Variants in KRT7 observed in about 807,000 individuals in gnomAD.
KRT7 encodes the protein keratin 7.
KRT7 carries 50 observed loss-of-function variants against 42.8 expected under a neutral mutation model. That is an observed-to-expected ratio of 1.17 (90% CI 0.93 to 1.48). The LOEUF is 1.48. KRT7 is among the 40% of genes most tolerant of loss of function. The pLI is 0.00. For synonymous variants in KRT7, 268 were observed against 266.3 expected (o/e 1.01, Z -0.06); for missense variants, 588 against 637.6 (o/e 0.92, Z 0.84).
In KRT7 at chr12:52,243,236, C is replaced by T. The variant is rs540952140; in HGVS notation, c.984+99C>T. On this transcript the variant is annotated intron_variant, in intron 6 of 8. Coordinates refer to ENST00000331817, the MANE Select transcript of KRT7 (RefSeq NM_005556.4). ...TGTGGAGCAGGAGGTTCCCATCTCC[C>T]GGCCAAAGCTGGTGCCACTGTCTCA... The T allele has an allele frequency of 2.4e-4, 333 of 1,393,862 alleles. 1 individual carries two copies. The South Asian group carries it at 2.6e-3, about 11-fold the overall frequency. 86.3% of individuals were successfully genotyped at this position (1,393,862 alleles called of 1,614,324 possible). A position where few individuals can be genotyped will look rare whatever the true frequency, so the allele number is the denominator to read the frequency against.
rs1410509540 is a variant in KRT7, at chr12:52,243,058, G to A, written c.905G>A (p.Arg302Gln). 5.0e-6 allele frequency: 8 copies of A among 1,613,752 alleles called. No homozygotes were observed. Among genetic ancestry groups the A allele is most frequent in the South Asian group, 2.2e-5 (2 of 91,076 alleles). Residue 302 changes from arginine (R) to glutamine (Q), a missense_variant, in exon 6 of 9, where the codon CGG (arginine) becomes CAG (glutamine). Coordinates refer to ENST00000331817, the MANE Select transcript of KRT7 (RefSeq NM_005556.4). ...AQAGKHGDDLRNTRNEISEMN... is the reference protein window; with the variant it reads ...AQAGKHGDDLQNTRNEISEMN... ...GCTGGGAAGCATGGGGACGACCTCC[G>A]GAATACCCGGAATGAGATTTCAGAG...
downstream of KRT7, chr12:52,251,982 G>T: frequency 1.6e-6 from 1 of 631,898 alleles, no homozygotes; most frequent in Non-Finnish European, 2.9e-6. Context: ...TGCCTGCCCA[G>T]AACCCCAAGC....
intron 3 of KRT7, 148 bp downstream of exon 3, chr12:52,237,717 G>GGTGC (rs1942030949): frequency 2.2e-6 from 1 of 460,334 alleles, no homozygotes; most frequent in Admixed American, 3.8e-5. Flanking sequence ...CTGTCCTGTG[G>GGTGC]GTGCGTGTAT....
Position 52,237,586 on chromosome 12 carries a change from G to T in KRT7, c.597+17G>T. ...CTGAAGAAGGTGAGTGGGAAAGACAGGCTCGAGGAGGGTTGTCTGAAAACA... is the reference window on the plus strand; with the variant it reads ...CTGAAGAAGGTGAGTGGGAAAGACATGCTCGAGGAGGGTTGTCTGAAAACA... On this transcript the variant is annotated intron_variant, in intron 3 of 8. Coordinates refer to ENST00000331817, the MANE Select transcript of KRT7 (RefSeq NM_005556.4). 1 of 1,566,178 alleles carries T rather than the reference G, an allele frequency of 6.4e-7. No individual in the cohort carries two copies. The highest frequency in any genetic ancestry group is 2.3e-5 in the East Asian group (1 of 43,240).
chr12:52,233,513 C>G lies in KRT7; in HGVS notation c.217C>G (p.Leu73Val), dbSNP rs1289335320. The change falls in exon 1 of 9, where the codon CTG becomes GTG. Residue 73 changes from leucine (L) to valine (V), a missense_variant. Transcript: ENST00000331817. The part of the protein sequence containing the change: ...IREVTINQSL[L>V]APLRLDADPS... ...CGAGGTCACCATTAACCAGAGCCTG[C>G]TGGCCCCGCTGCGGCTGGACGCCGA... 3 of 1,612,614 alleles carry G rather than the reference C, an allele frequency of 1.9e-6. No individual in the cohort carries two copies.
chr12:52,253,493 C>T, downstream of KRT7: 2 of 1,558,250 alleles, frequency 1.3e-6, no homozygotes, highest in Non-Finnish European at 1.8e-6. Flanking sequence ...CAGCCCTTAT[C>T]TTCCCATCCG....
chr12:52,254,193 A>T, downstream of KRT7: 1 of 593,610 alleles, frequency 1.7e-6, no homozygotes, highest in Non-Finnish European at 3.2e-6. Flanking sequence ...TAGGGTCAGA[A>T]GCTGAATGGT....
chr12:52,255,447 GA>G (rs1394273683), downstream of KRT7: 3 of 453,294 alleles, frequency 6.6e-6, no homozygotes, highest in Admixed American at 2.4e-5. Flanking sequence ...ATCTGGGGAG[GA>G]AAAAAAATGG....
At position 52,248,205 on chromosome 12, in the gene KRT7, A is replaced by C; in HGVS notation, c.1234A>C (p.Asn412His). Reference protein sequence around the residue: ...RLAGDGVGAVNISVMNSTGGS... With the variant: ...RLAGDGVGAVHISVMNSTGGS... Reference sequence around the variant, plus strand: ...GGCTGGAGATGGAGTGGGAGCCGTGAATATCTGTAAGTCCTTGGCTGCGGC... The same window carrying C: ...GGCTGGAGATGGAGTGGGAGCCGTGCATATCTGTAAGTCCTTGGCTGCGGC... Residue 412 changes from asparagine to histidine, a missense_variant, in exon 8 of 9, where the codon AAT (asparagine) becomes CAT (histidine). Transcript: ENST00000331817. 6.2e-7 allele frequency: 1 copy of C among 1,614,098 alleles called. No homozygotes were observed. Among genetic ancestry groups the C allele is most frequent in the Non-Finnish European group, 8.5e-7 (1 of 1,179,996 alleles).
downstream of KRT7, among the ~76,000 whole-genome samples, chr12:52,252,692 A>T (rs1377942584): frequency 1.3e-5 from 2 of 152,262 alleles, no homozygotes; most frequent in African/African-American, 4.8e-5. Flanking sequence ...TTCTTTCAAA[A>T]GATCAGAGGA....
chr12:52,248,690 C>T lies in KRT7; in HGVS notation c.1340C>T (p.Ala447Val), dbSNP rs545899775. The T allele has an allele frequency of 8.7e-6, 14 of 1,613,110 alleles. No homozygotes were observed. The highest frequency in any genetic ancestry group is 3.3e-5 in the South Asian group (3 of 91,022). ...GSNALSFSSSAGPGLLKAYSI... is the reference protein window; with the variant it reads ...GSNALSFSSSVGPGLLKAYSI... ...AATGCCCTGAGCTTCTCCAGCAGTG[C>T]GGGTCCTGGGCTCCTGAAGGCTTAT... is the stretch of plus-strand genomic sequence containing the variant. Residue 447 changes from alanine (A) to valine (V), a missense_variant, in exon 9 of 9, where the codon GCG becomes GTG. Transcript: ENST00000331817.
Position 52,245,675 on chromosome 12 carries a change from G to A in KRT7, c.1205+43G>A, listed in dbSNP as rs200404492. 2,111 of 1,609,252 alleles carry A rather than the reference G, an allele frequency of 1.3e-3. 1 individual carries two copies. Among genetic ancestry groups the A allele is most frequent in the Non-Finnish European group, 1.7e-3 (1,955 of 1,177,960 alleles). On this transcript the variant is annotated intron_variant, in intron 7 of 8. Coordinates refer to ENST00000331817, the MANE Select transcript of KRT7 (RefSeq NM_005556.4). The stretch of plus-strand genomic sequence containing the variant: ...GGAAAGGGGATGCTTCTAGGGCTCC[G>A]TGGGGTTTGGGGCTTGACATTCATC...
rs766393536 is a variant in KRT7, at chr12:52,237,542, T to A, written c.570T>A (p.Ala190=). 1 of 1,612,000 alleles carries A rather than the reference T, an allele frequency of 6.2e-7. No individual in the cohort carries two copies. The highest frequency in any genetic ancestry group is 1.7e-5 in the Admixed American group (1 of 59,848). ...YEDEINHRTA[A]ENEFVVLKKD... ...ATGAAATTAACCACCGCACAGCTGCTGAGAATGAGTTTGTGGTGCTGAAGA... is the reference window on the plus strand; with the variant it reads ...ATGAAATTAACCACCGCACAGCTGCAGAGAATGAGTTTGTGGTGCTGAAGA... Residue 190 remains alanine (A), a synonymous_variant, in exon 3 of 9, where the codon GCT becomes GCA. Coordinates refer to ENST00000331817, the MANE Select transcript of KRT7 (RefSeq NM_005556.4).
At chr12:52,242,971 T>C (rs1368179851) in intron 5 of KRT7, 41 bp from the exon 6 acceptor site, 1 of 1,579,724 alleles carries the variant, frequency 6.3e-7, no homozygotes, top group African/African-American at 1.4e-5. Context: ...CTGTACTCAC[T>C]GCCCATCTCT....
chr12:52,242,662 C>T (rs971182377), intron 5 of KRT7, among the ~76,000 whole-genome samples: 4 of 152,066 alleles, frequency 2.6e-5, no homozygotes, highest in Non-Finnish European at 5.9e-5. Flanking sequence ...TTCTCTTCTC[C>T]AAGACTCACT....
chr12:52,253,116 T>C, downstream of KRT7: 2 of 1,153,686 alleles, frequency 1.7e-6, no homozygotes, highest in Non-Finnish European at 2.6e-6. Context: ...TGTTTGCCCT[T>C]GTCCCCACAC....
downstream of KRT7, chr12:52,253,845 T>A (rs905233480): frequency 1.8e-4 from 85 of 485,360 alleles, no homozygotes; most frequent in South Asian, 1.3e-3. Context: ...TCATCCCTTG[T>A]CCCCTTTCCC....
Position 52,238,687 on chromosome 12 carries a change from A to G in KRT7, c.605A>G (p.Asp202Gly). The G allele has an allele frequency of 6.2e-7, 1 of 1,612,698 alleles. No individual in the cohort carries two copies. ...NEFVVLKKDVDAAYMSKVELE... is the reference protein window; with the variant it reads ...NEFVVLKKDVGAAYMSKVELE... ...TCTTGCCCCAACCCCCAGGATGTGG[A>G]TGCTGCCTACATGAGCAAGGTGGAG... Residue 202 changes from aspartate to glycine, a missense_variant, in exon 4 of 9, where the codon GAT becomes GGT. Coordinates refer to ENST00000331817, the MANE Select transcript of KRT7 (RefSeq NM_005556.4).
chr12:52,234,130 G>GGGGGGGGGGGCTCC, intron 1 of KRT7, among the ~76,000 whole-genome samples: 1 of 149,554 alleles, frequency 6.7e-6, no homozygotes, highest in Non-Finnish European at 1.5e-5. Context: ...GCGGGGGAGG[G>GGGGGGGGGGGCTCC]GGGGGGGCTC....
Sources: allele counts gnomAD v4.1 joint callset (sites outside exome capture counted in the v4.1 genomes callset), GRCh38; gene constraint gnomAD v4.1.1; transcripts MANE v1.5; gene names NCBI Gene and HGNC (gene_info 2026-07-23, HGNC 2026-07-21).